The following USP47 variants were observed in gnomAD, a reference collection of about 807,000 sequenced individuals.
USP47 encodes the protein ubiquitin specific peptidase 47.
USP47 carries 35 observed loss-of-function variants against 165.1 expected under a neutral mutation model. That is an observed-to-expected ratio of 0.21 (90% CI 0.16 to 0.28). USP47 has a LOEUF of 0.28. USP47 is among the 10% of genes least tolerant of loss of function. The pLI, the probability that USP47 is intolerant of heterozygous loss-of-function variation, is 1.00. For synonymous variants in USP47, 531 were observed against 544.5 expected (o/e 0.98, Z 0.35); for missense variants, 1,277 against 1,607.4 (o/e 0.79, Z 3.52).
At chr11:11,842,264 C>T in intron 1 of USP47, 40 bp downstream of exon 1, 1 of 1,546,960 alleles carries the variant, frequency 6.5e-7, no homozygotes, top group South Asian at 1.2e-5. Flanking sequence ...AGGCCTGCGG[C>T]CGCTCGAGGC....
In USP47 at chr11:11,920,499, A is replaced by G. The variant is rs778944141; in HGVS notation, c.1218+5A>G. 1.0e-5 allele frequency: 16 copies of G among 1,592,904 alleles called. No homozygotes were observed. The highest frequency in any genetic ancestry group is 1.2e-5 in the Non-Finnish European group (14 of 1,172,608). On this transcript the variant is annotated splice_donor_5th_base_variant and intron_variant, in intron 10 of 27. Coordinates refer to ENST00000527733, the MANE Select transcript of USP47 (RefSeq NM_001282659.2). ...TTTATTGATGTTGAAGATGAGGTAA[A>G]TATTTGTTATTTTAAAGTATTTTTC...
intron 8 of USP47, among the ~76,000 whole-genome samples, chr11:11,914,975 T>C (rs1308521572): frequency 6.6e-6 from 1 of 152,166 alleles, no homozygotes; most frequent in Admixed American, 6.6e-5. Flanking sequence ...AATTGAACTA[T>C]TGGTCATTTA....
At chr11:11,947,883 A>G in intron 20 of USP47, 62 bp from the exon 21 acceptor site, 1 of 1,515,142 alleles carries the variant, frequency 6.6e-7, no homozygotes, top group South Asian at 1.3e-5. Context: ...GATCTGTTTT[A>G]TTTATACTCA....
chr11:11,909,754 T>C (rs1340816566), intron 8 of USP47, among the ~76,000 whole-genome samples: 1 of 152,206 alleles, frequency 6.6e-6, no homozygotes, highest in Non-Finnish European at 1.5e-5. Flanking sequence ...TTTCATACAG[T>C]GCCTTTGGAG....
intron 1 of USP47, among the ~76,000 whole-genome samples, chr11:11,873,413 G>A (rs1167754198): frequency 6.6e-6 from 1 of 152,094 alleles, no homozygotes; most frequent in African/African-American, 2.4e-5. Context: ...TGTTTTAAGA[G>A]TAGCTGTCGT....
chr11:11,930,139 T>G lies in USP47; in HGVS notation c.1595+19T>G. 3 of 1,595,678 alleles carry G rather than the reference T, an allele frequency of 1.9e-6. No individual in the cohort carries two copies. The highest frequency in any genetic ancestry group is 2.6e-6 in the Non-Finnish European group (3 of 1,163,964). On this transcript the variant is annotated intron_variant, in intron 13 of 27. Transcript: ENST00000527733. Reference sequence around the variant, plus strand: ...TCGCAAGGTAAGCAATTTCCTAATTTTCAGTGTTTAAAAGTTAGAATTAAT... The same window carrying G: ...TCGCAAGGTAAGCAATTTCCTAATTGTCAGTGTTTAAAAGTTAGAATTAAT...
intron 11 of USP47, among the ~76,000 whole-genome samples, chr11:11,927,461 T>C (rs114562945): frequency 0.027 from 4,082 of 152,244 alleles, 154 homozygotes; most frequent in African/African-American, 0.083. Context: ...TGTACTATAA[T>C]GACAGAGTTG....
At chr11:11,850,002 T>A (rs1848635713) in intron 1 of USP47, among the ~76,000 whole-genome samples, 1 of 152,222 alleles carries the variant, frequency 6.6e-6, no homozygotes, top group Admixed American at 6.5e-5. Flanking sequence ...GAACATCCTT[T>A]TCAACTATTT....
intron 1 of USP47, among the ~76,000 whole-genome samples, chr11:11,848,607 ATTT>A (rs35165430): frequency 4.4e-5 from 5 of 113,460 alleles, no homozygotes; most frequent in Admixed American, 8.4e-5. Flanking sequence ...TGAAACTGGC[ATTT>A]TTTTTTTTTT....
intron 1 of USP47, among the ~76,000 whole-genome samples, chr11:11,865,685 A>C (rs76029835): frequency 0.16 from 24,702 of 151,172 alleles, 2,476 homozygotes; most frequent in Admixed American, 0.34. Flanking sequence ...TATTTTCCTT[A>C]TCTCTCTCTC....
At chr11:11,868,752 A>G (rs1481427768) in intron 1 of USP47, among the ~76,000 whole-genome samples, 2 of 151,984 alleles carry the variant, frequency 1.3e-5, no homozygotes, top group Non-Finnish European at 2.9e-5. Flanking sequence ...ACAGGAAGGC[A>G]TGAGAGATTC....
Position 11,960,942 on chromosome 11 carries a change from C to G in USP47, c.*4767C>G. Among the ~76,000 whole-genome samples, 1 of 152,178 alleles carries G rather than the reference C, an allele frequency of 6.6e-6. No homozygotes were observed. The highest frequency in any genetic ancestry group is 1.9e-4 in the East Asian group (1 of 5,198). ...AACCTCATCCTCCCTCCCCACAGGC[C>G]CAGAGAACCAGTTGGGCTTTGTTCT... On this transcript the variant is annotated 3_prime_UTR_variant, in exon 28 of 28. Coordinates refer to ENST00000527733, the MANE Select transcript of USP47 (RefSeq NM_001282659.2).
chr11:11,946,138 C>A (rs1003801681), intron 20 of USP47, among the ~76,000 whole-genome samples: 1 of 152,104 alleles, frequency 6.6e-6, no homozygotes, highest in Non-Finnish European at 1.5e-5. Flanking sequence ...TAAATTAACA[C>A]TCTTTGCCAA....
At chr11:11,902,574 A>G in intron 5 of USP47, 141 bp from the exon 6 acceptor site, 1 of 534,590 alleles carries the variant, frequency 1.9e-6, no homozygotes, top group Admixed American at 4.2e-5. Context: ...GTTTCATTAG[A>G]TATTATTAGT....
intron 3 of USP47, among the ~76,000 whole-genome samples, chr11:11,885,126 T>C (rs139994086): frequency 6.6e-6 from 1 of 152,338 alleles, no homozygotes; most frequent in East Asian, 1.9e-4. Flanking sequence ...CCCAGTTGCC[T>C]TAGAGATATC....
At chr11:11,850,526 CTGTT>C (rs1848669342) in intron 1 of USP47, among the ~76,000 whole-genome samples, 1 of 110,910 alleles carries the variant, frequency 9.0e-6, no homozygotes, top group Non-Finnish European at 2.0e-5. Context: ...TTTCCTTTTT[CTGTT>C]TGTTTGCTTT....
At chr11:11,955,636 T>A (rs1350363162) in intron 27 of USP47, among the ~76,000 whole-genome samples, 1 of 152,222 alleles carries the variant, frequency 6.6e-6, no homozygotes, top group Non-Finnish European at 1.5e-5. Context: ...CAAAACTAGC[T>A]TTCTGATTTA....
chr11:11,866,742 G>A (rs72856352), intron 1 of USP47, among the ~76,000 whole-genome samples: 20,793 of 152,050 alleles, frequency 0.14, 1,683 homozygotes, highest in Middle Eastern at 0.39. Flanking sequence ...ATAGCATTCT[G>A]GGATAACAGT....
rs141746342 is a variant in USP47, at chr11:11,902,419, C to T, written c.594-296C>T. Among the ~76,000 whole-genome samples the T allele has an allele frequency of 1.6e-3, 240 of 152,232 alleles. 2 individuals carry two copies. The highest frequency in any genetic ancestry group is 5.2e-3 in the African/African-American group (214 of 41,526). ...TATTTTTGTGAATTAATAATTAGGA[C>T]AGAGGTTATGGTCAGATTCAGGTTC... On this transcript the variant is annotated intron_variant, in intron 5 of 27. Coordinates refer to ENST00000527733, the MANE Select transcript of USP47 (RefSeq NM_001282659.2).
Sources: gnomAD v4.1 joint callset for allele counts (sites outside exome capture counted in the v4.1 genomes callset) on GRCh38, gnomAD v4.1.1 for gene constraint, MANE v1.5 for transcripts, NCBI Gene and HGNC (gene_info 2026-07-23, HGNC 2026-07-21) for gene names.